The following RIMS1 variants were observed in gnomAD, a reference collection of about 807,000 sequenced individuals.
RIMS1 encodes regulating synaptic membrane exocytosis protein 1.
Under a neutral mutation model 214.1 loss-of-function variants are expected in RIMS1, and 83 were observed. The observed-to-expected ratio is 0.39, with a 90% confidence interval of 0.32 to 0.47. The LOEUF (loss-of-function observed/expected upper bound fraction) is 0.47. Among genes scored for constraint, RIMS1 ranks in the 20% least tolerant of loss-of-function variants. RIMS1 has a pLI of 0.99. For missense variants in RIMS1, 2,050 were observed against 2,161.8 expected (o/e 0.95, Z 1.03); for synonymous variants, 793 against 786.8 (o/e 1.01, Z -0.13).
At position 72,237,877 on chromosome 6, in the gene RIMS1, G is replaced by A. The variant is rs774845958; in HGVS notation, c.1912G>A (p.Val638Ile). ...ACGACTTGGTGCTTTCATCACCAAA[G>A]TAAAGAAGGGTAGCCTAGCAGATGT... ...LGRLGAFITK[V>I]KKGSLADVVG... The change falls in exon 9 of 34, where the codon GTA (valine) becomes ATA (isoleucine). Residue 638 changes from valine (V) to isoleucine (I), a missense_variant. By Grantham distance (29) the Val-to-Ile change is conservative. Transcript: ENST00000521978. The A allele has an allele frequency of 2.5e-6, 4 of 1,613,432 alleles. No homozygotes were observed. The highest frequency in any genetic ancestry group is 3.4e-6 in the Non-Finnish European group (4 of 1,179,692).
At chr6:72,203,677 C>A (rs1162710696) in intron 6 of RIMS1, among the ~76,000 whole-genome samples, 1 of 152,096 alleles carries the variant, frequency 6.6e-6, no homozygotes, top group Non-Finnish European at 1.5e-5. Flanking sequence ...TGGAGTAGCA[C>A]CAAAAACTAA....
At chr6:71,984,311 G>A (rs1799273070) in intron 2 of RIMS1, among the ~76,000 whole-genome samples, 1 of 152,052 alleles carries the variant, frequency 6.6e-6, no homozygotes, top group Non-Finnish European at 1.5e-5. Flanking sequence ...CATGCCTAGA[G>A]GGACTCAAAG....
chr6:72,189,716 T>A (rs2049748484), intron 6 of RIMS1, among the ~76,000 whole-genome samples: 1 of 152,198 alleles, frequency 6.6e-6, no homozygotes, highest in African/African-American at 2.4e-5. Flanking sequence ...TGGAAGTCCA[T>A]GTTGCTGAGC....
intron 2 of RIMS1, among the ~76,000 whole-genome samples, chr6:71,973,436 G>A (rs1050064419): frequency 2.6e-5 from 4 of 152,156 alleles, no homozygotes; most frequent in East Asian, 1.9e-4. Context: ...ATGGGGCTCC[G>A]GGTGGGTGGT....
At chr6:72,070,797 G>T (rs1026723633) in intron 2 of RIMS1, among the ~76,000 whole-genome samples, 1 of 152,120 alleles carries the variant, frequency 6.6e-6, no homozygotes, top group Non-Finnish European at 1.5e-5. Context: ...TGCATGTCAA[G>T]GAGCTTTGAC....
At chr6:72,210,033 T>C (rs1221743930) in intron 6 of RIMS1, among the ~76,000 whole-genome samples, 1 of 152,144 alleles carries the variant, frequency 6.6e-6, no homozygotes, top group African/African-American at 2.4e-5. Flanking sequence ...AAAGGAGAGC[T>C]GAGCTGATAG....
At position 72,382,994 on chromosome 6, in the gene RIMS1, C is replaced by CT. The variant is rs146271538; in HGVS notation, c.4367-7597dup. Among the ~76,000 whole-genome samples, 677 of 152,142 alleles carry CT rather than the reference C, an allele frequency of 4.4e-3. 2 individuals carry two copies. Among genetic ancestry groups the CT allele is most frequent in the South Asian group, 7.3e-3 (35 of 4,822 alleles). ...AGCCATTGGCTTGCTTTTAGGCAGC[C>CT]TTTTTTTAGAAATCTTCATAAACAC... is the stretch of plus-strand genomic sequence containing the variant. On this transcript the variant is annotated intron_variant, in intron 29 of 33. Coordinates refer to ENST00000521978, the MANE Select transcript of RIMS1 (RefSeq NM_014989.7).
chr6:72,152,630 G>A (rs1029977218), intron 4 of RIMS1, among the ~76,000 whole-genome samples: 11 of 151,272 alleles, frequency 7.3e-5, no homozygotes, highest in African/African-American at 2.2e-4. Context: ...AGCACTCATG[G>A]AGATTCTGGC....
At position 71,886,916 on chromosome 6, in the gene RIMS1, C is replaced by T; in HGVS notation, c.-108C>T. ...GCCGCCGCTGCTCCTCCTCCTGCCG[C>T]CGCCGCTAGGGCTCCGCTGTGAGGG... On this transcript the variant is annotated 5_prime_UTR_variant, in exon 1 of 34. Coordinates refer to ENST00000521978, the MANE Select transcript of RIMS1 (RefSeq NM_014989.7). 2 of 1,347,524 alleles carry T rather than the reference C, an allele frequency of 1.5e-6. No homozygotes were observed. 83.5% of individuals were successfully genotyped at this position (1,347,524 alleles called of 1,614,324 possible).
chr6:72,008,265 G>A (rs1293832359), intron 2 of RIMS1, among the ~76,000 whole-genome samples: 10 of 152,156 alleles, frequency 6.6e-5, no homozygotes, highest in Admixed American at 4.6e-4. Flanking sequence ...TTACAGACAA[G>A]CAAATGCTGA....
intron 24 of RIMS1, among the ~76,000 whole-genome samples, chr6:72,285,342 T>A (rs1343951106): frequency 6.6e-6 from 1 of 152,206 alleles, no homozygotes; most frequent in East Asian, 1.9e-4. Flanking sequence ...ATAGAATTTG[T>A]ACAATTCAGT....
At chr6:72,291,840 TG>T (rs2093433541) in intron 25 of RIMS1, 93 bp from the exon 26 acceptor site, 3 of 882,442 alleles carry the variant, frequency 3.4e-6, no homozygotes, top group Non-Finnish European at 5.6e-6. Flanking sequence ...AGGGGGTTTA[TG>T]TCTATTTTAA....
chr6:72,114,391 A>G (rs1275555406), intron 4 of RIMS1, among the ~76,000 whole-genome samples: 1 of 152,008 alleles, frequency 6.6e-6, no homozygotes, highest in African/African-American at 2.4e-5. Flanking sequence ...TATACATCAT[A>G]AAGTTGACAG....
At chr6:72,266,237 T>G in intron 22 of RIMS1, 188 bp downstream of exon 22, 1 of 603,464 alleles carries the variant, frequency 1.7e-6, no homozygotes, top group Non-Finnish European at 3.0e-6. Flanking sequence ...AACCCAAGGG[T>G]ACACATACAC....
At chr6:72,225,202 C>A (rs762981833) in intron 6 of RIMS1, among the ~76,000 whole-genome samples, 2 of 149,208 alleles carry the variant, frequency 1.3e-5, no homozygotes, top group Non-Finnish European at 3.0e-5. Context: ...TTTATATTAC[C>A]CACTATTTGC....
In RIMS1 at chr6:72,398,879, A is replaced by G. The variant is rs185039582; in HGVS notation, c.4721-76A>G. ...TTTCAGTAAGCATCTCTAATTCTCTAATAGGGAATTCTCTAATTAAAAAAA... is the reference window on the plus strand; with the variant it reads ...TTTCAGTAAGCATCTCTAATTCTCTGATAGGGAATTCTCTAATTAAAAAAA... On this transcript the variant is annotated intron_variant, in intron 32 of 33. Coordinates refer to ENST00000521978, the MANE Select transcript of RIMS1 (RefSeq NM_014989.7). 83 of 908,868 alleles carry G rather than the reference A, an allele frequency of 9.1e-5. 1 individual carries two copies. In the African/African-American group the frequency reaches 1.3e-3, roughly 14 times the overall value. 56.3% of individuals were successfully genotyped at this position (908,868 alleles called of 1,614,324 possible).
intron 24 of RIMS1, among the ~76,000 whole-genome samples, chr6:72,284,684 C>T (rs571034219): frequency 9.0e-3 from 56 of 6,218 alleles, no homozygotes; most frequent in South Asian, 0.071. Flanking sequence ...AACATATTGA[C>T]ACTTTTTTTT....
intron 6 of RIMS1, among the ~76,000 whole-genome samples, chr6:72,200,354 T>A (rs1357036033): frequency 6.6e-6 from 1 of 152,188 alleles, no homozygotes; most frequent in African/African-American, 2.4e-5. Flanking sequence ...AGAGTCCACC[T>A]GATTTCTTTT....
intron 16 of RIMS1, among the ~76,000 whole-genome samples, chr6:72,255,856 T>A (rs1166428569): frequency 6.6e-6 from 1 of 151,906 alleles, no homozygotes; most frequent in Non-Finnish European, 1.5e-5. Context: ...CCCAATGTGG[T>A]GAAATTTCAT....
Sources: allele counts gnomAD v4.1 joint callset (sites outside exome capture counted in the v4.1 genomes callset), GRCh38; gene constraint gnomAD v4.1.1; transcripts MANE v1.5; gene names NCBI Gene and HGNC (gene_info 2026-07-23, HGNC 2026-07-21).